Variants in NRDC observed in about 807,000 individuals in gnomAD.
The protein encoded by NRDC is nardilysin.
In NRDC, 54 loss-of-function variants were observed where a neutral mutation model predicts 147.1. The observed-to-expected ratio is 0.37, with a 90% CI of 0.29 to 0.46. The LOEUF is 0.46. NRDC is among the 20% of genes least tolerant of loss of function. The probability of loss-of-function intolerance (pLI) is 1.00; values close to 1 mark genes in which losing one functional copy is unlikely to be tolerated. For synonymous variants in NRDC, 440 were observed against 482.1 expected, an observed-to-expected ratio of 0.91 and a Z score of 1.14; for missense variants, 1,082 against 1,370.6, an observed-to-expected ratio of 0.79 and a Z score of 3.33.
chr1:51,794,777 C>T (rs1678817765), intron 23 of NRDC, 46 bp downstream of exon 23: 4 of 1,609,096 alleles, frequency 2.5e-6, no homozygotes, highest in Non-Finnish European at 3.4e-6. Flanking sequence ...CATGCCCTCT[C>T]GCTGGTAAGA....
chr1:51,876,260 G>A (rs1187418494), intron 1 of NRDC, among the ~76,000 whole-genome samples: 1 of 152,120 alleles, frequency 6.6e-6, no homozygotes, highest in Admixed American at 6.5e-5. Context: ...TTTATACATT[G>A]CCAATACAGG....
chr1:51,812,249 T>A, intron 14 of NRDC, 151 bp from the exon 15 acceptor site: 1 of 582,972 alleles, frequency 1.7e-6, no homozygotes, highest in Non-Finnish European at 3.0e-6. Flanking sequence ...CTTAAGAATC[T>A]GATGCTCAGT....
intron 17 of NRDC, among the ~76,000 whole-genome samples, chr1:51,808,617 C>A (rs949554094): frequency 2.1e-4 from 32 of 152,054 alleles, no homozygotes; most frequent in African/African-American, 7.7e-4. Flanking sequence ...TGTTTGAGTA[C>A]CTGTTTTCAA....
At chr1:51,870,273 G>C (rs771678480) in intron 1 of NRDC, among the ~76,000 whole-genome samples, 9 of 152,224 alleles carry the variant, frequency 5.9e-5, no homozygotes, top group Non-Finnish European at 1.0e-4. Flanking sequence ...AAAAAGAAAA[G>C]TGAAGAGGGG....
Position 51,878,496 on chromosome 1 carries a change from A to C in NRDC, c.120T>G (p.Ala40=), listed in dbSNP as rs1186556309. ...IETRGRCEDS[A]AARPFPILAM... ...CCAGAATAGGAAAGGGTCTGGCAGC[A>C]GCAGAGTCTTCGCACCGACCCCGCG... is the stretch of plus-strand genomic sequence containing the variant. The change falls in exon 1 of 31, where the codon GCT becomes GCG. Residue 40 remains alanine, a synonymous_variant. Transcript: ENST00000352171. 1 of 1,613,976 alleles carries C rather than the reference A, an allele frequency of 6.2e-7. No individual in the cohort carries two copies. Among genetic ancestry groups the C allele is most frequent in the Non-Finnish European group, 8.5e-7 (1 of 1,180,028 alleles).
At chr1:51,868,592 G>C (rs1003604645) in intron 1 of NRDC, among the ~76,000 whole-genome samples, 8 of 152,156 alleles carry the variant, frequency 5.3e-5, no homozygotes, top group African/African-American at 1.7e-4. Context: ...AGTACTGTCT[G>C]GCTGGGCACA....
At chr1:51,867,200 A>C (rs1557940458) in intron 1 of NRDC, among the ~76,000 whole-genome samples, 1 of 152,144 alleles carries the variant, frequency 6.6e-6, no homozygotes, top group African/African-American at 2.4e-5. Context: ...AAAAAAAAAG[A>C]CTGAAAAGTA....
Position 51,814,704 on chromosome 1 carries a change from G to T in NRDC, c.1549C>A (p.His517Asn), listed in dbSNP as rs1467454688. ...SITLTDEGYE[H>N]FYEVAYTVFQ... The stretch of plus-strand genomic sequence containing the variant: ...TTTGAATTATTTACCTCATAAAAAT[G>T]TTCATAACCCTCATCAGTCAATGTA... Residue 517 changes from histidine (H) to asparagine (N), a missense_variant, in exon 12 of 31, where the codon CAT becomes AAT. By Grantham distance (68) the His-to-Asn change is moderately conservative. Around this residue, in one of 3 missense-constraint regions of NRDC, gnomAD observed 635 missense variants for 923.8 expected, o/e 0.69. Coordinates refer to ENST00000352171, the MANE Select transcript of NRDC (RefSeq NM_001101662.2). 6 of 1,608,512 alleles carry T rather than the reference G, an allele frequency of 3.7e-6. No individual in the cohort carries two copies. The highest frequency in any genetic ancestry group is 5.1e-6 in the Non-Finnish European group (6 of 1,177,168).
At chr1:51,869,819 C>T (rs557461300) in intron 1 of NRDC, among the ~76,000 whole-genome samples, 12 of 152,342 alleles carry the variant, frequency 7.9e-5, no homozygotes, top group African/African-American at 2.6e-4. Context: ...TCAGCATACG[C>T]ATTTGTAGTA....
At chr1:51,852,372 T>C (rs1013727430) in intron 1 of NRDC, among the ~76,000 whole-genome samples, 8 of 151,414 alleles carry the variant, frequency 5.3e-5, no homozygotes, top group African/African-American at 1.7e-4. Context: ...GGATATTTTT[T>C]TAAGAACTCT....
chr1:51,875,727 T>C (rs1363759492), intron 1 of NRDC, among the ~76,000 whole-genome samples: 1 of 146,498 alleles, frequency 6.8e-6, no homozygotes, highest in East Asian at 1.9e-4. Flanking sequence ...CCGGCTAATT[T>C]TTTGTGTGTA....
chr1:51,865,595 G>A (rs1043881611), intron 1 of NRDC, among the ~76,000 whole-genome samples: 2 of 151,834 alleles, frequency 1.3e-5, no homozygotes, highest in Admixed American at 6.6e-5. Flanking sequence ...GTGCCACTGC[G>A]CCCAGCCTAA....
At chr1:51,873,588 G>A (rs895318180) in intron 1 of NRDC, among the ~76,000 whole-genome samples, 56 of 151,618 alleles carry the variant, frequency 3.7e-4, no homozygotes, top group African/African-American at 1.4e-3. Context: ...TCAGCTCACT[G>A]CAACCTCTGC....
chr1:51,800,430 TA>T (rs1416011847), intron 21 of NRDC, 125 bp downstream of exon 21: 9 of 1,093,582 alleles, frequency 8.2e-6, no homozygotes, highest in Non-Finnish European at 1.2e-5. Context: ...TCTCCTAAAC[TA>T]GAGCACGATT....
intron 1 of NRDC, among the ~76,000 whole-genome samples, chr1:51,857,471 G>A (rs1335603958): frequency 6.6e-6 from 1 of 152,172 alleles, no homozygotes; most frequent in African/African-American, 2.4e-5. Flanking sequence ...AATTTAATAT[G>A]TCTAAGGTTT....
intron 17 of NRDC, among the ~76,000 whole-genome samples, chr1:51,808,405 C>T (rs1007029042): frequency 6.6e-6 from 1 of 152,160 alleles, no homozygotes; most frequent in Non-Finnish European, 1.5e-5. Context: ...CCTTTTGTGT[C>T]TAGCTTCTTT....
Position 51,816,128 on chromosome 1 carries a change from G to A in NRDC, c.1439+184C>T, listed in dbSNP as rs1679956589. The A allele has an allele frequency of 8.6e-6, 3 of 347,074 alleles. No homozygotes were observed. In the South Asian group the frequency reaches 4.3e-4, roughly 50 times the overall value. 21.5% of individuals were successfully genotyped at this position (347,074 alleles called of 1,614,324 possible). On this transcript the variant is annotated intron_variant, in intron 11 of 30. Coordinates refer to ENST00000352171, the MANE Select transcript of NRDC (RefSeq NM_001101662.2). ...CAATGGGCTAAAAGGTGGCTTACAA[G>A]GAAATACACAAATATAATATGGCCA...
intron 17 of NRDC, 42 bp downstream of exon 17, chr1:51,809,273 G>T: frequency 7.7e-7 from 1 of 1,296,340 alleles, no homozygotes; most frequent in Non-Finnish European, 1.1e-6. Flanking sequence ...GTGCCTATTA[G>T]CACATGGATG....
intron 13 of NRDC, 50 bp from the exon 14 acceptor site, chr1:51,814,139 C>A: frequency 8.2e-7 from 1 of 1,214,736 alleles, no homozygotes; most frequent in Non-Finnish European, 1.2e-6. Flanking sequence ...TTTCTGCCTA[C>A]TTGAGGGAGA....
Sources: gnomAD v4.1 joint callset for allele counts (sites outside exome capture counted in the v4.1 genomes callset) on GRCh38, gnomAD v4.1.1 for gene constraint, gnomAD v4.1.1 regional missense constraint, MANE v1.5 for transcripts, NCBI Gene and HGNC (gene_info 2026-07-23, HGNC 2026-07-21) for gene names.